LRP1B: variants seen among roughly 807,000 people sequenced by gnomAD.
LRP1B encodes the protein LDL receptor related protein 1B.
Under a neutral mutation model 556.6 loss-of-function variants are expected in LRP1B, and 217 were observed. The ratio of observed to expected loss-of-function variants is 0.39; its 90% CI spans 0.35 to 0.44. LRP1B has a LOEUF of 0.44. Ranked by LOEUF, LRP1B falls within the 20% of genes least tolerant of loss-of-function variation. The pLI is 1.00. For missense variants in LRP1B, 5,053 were observed against 5,620.8 expected (o/e 0.90, Z 3.23); for synonymous variants, 2,047 against 1,865.8 (o/e 1.10, Z -2.50).
At chr2:141,593,185 C>T (rs1687400215) in intron 2 of LRP1B, among the ~76,000 whole-genome samples, 1 of 152,070 alleles carries the variant, frequency 6.6e-6, no homozygotes, top group Admixed American at 6.6e-5. Context: ...CCAGGGAAGG[C>T]ATGAAACCTT....
intron 32 of LRP1B, among the ~76,000 whole-genome samples, chr2:140,778,041 C>T (rs896742599): frequency 1.3e-5 from 2 of 150,188 alleles, no homozygotes; most frequent in Admixed American, 6.7e-5. Context: ...GCCAGTTTTA[C>T]TTAAAAATTA....
chr2:140,984,240 CAG>C (rs974079881), intron 17 of LRP1B, among the ~76,000 whole-genome samples: 2 of 151,870 alleles, frequency 1.3e-5, no homozygotes, highest in African/African-American at 4.8e-5. Flanking sequence ...AATTTAATAA[CAG>C]AATTTTTTTC....
chr2:140,264,523 G>T (rs1682098456), intron 86 of LRP1B, among the ~76,000 whole-genome samples: 1 of 152,044 alleles, frequency 6.6e-6, no homozygotes, highest in Non-Finnish European at 1.5e-5. Flanking sequence ...CAAAGTGCTG[G>T]GATTACAGGC....
At chr2:141,440,133 A>G (rs1680907180) in intron 3 of LRP1B, among the ~76,000 whole-genome samples, 1 of 152,166 alleles carries the variant, frequency 6.6e-6, no homozygotes, top group South Asian at 2.1e-4. Flanking sequence ...TCCCTGTGGC[A>G]TGGGAATCTC....
chr2:141,650,956 C>A (rs1017665163), intron 2 of LRP1B, among the ~76,000 whole-genome samples: 1 of 152,160 alleles, frequency 6.6e-6, no homozygotes, highest in Admixed American at 6.6e-5. Context: ...CATCATTAGT[C>A]TGAACATTGT....
At chr2:140,673,775 C>T (rs73961450) in intron 41 of LRP1B, among the ~76,000 whole-genome samples, 3,300 of 152,072 alleles carry the variant, frequency 0.022, 49 homozygotes, top group Middle Eastern at 0.034. Flanking sequence ...AAGTGAGGGT[C>T]CATACATACC....
In LRP1B at chr2:140,392,682, C is replaced by T. The variant is rs1051586782; in HGVS notation, c.10415-6673G>A. Among the ~76,000 whole-genome samples, 29 of 152,012 alleles carry T rather than the reference C, an allele frequency of 1.9e-4. 1 individual carries two copies. Among genetic ancestry groups the T allele is most frequent in the African/African-American group, 7.0e-4 (29 of 41,470 alleles). ...TTTGTACTTTTAGTAGAGACCAGTG[C>T]TTTCCTATATAGCCTAACTATAATA... On this transcript the variant is annotated intron_variant, in intron 66 of 90. Coordinates refer to ENST00000389484, the MANE Select transcript of LRP1B (RefSeq NM_018557.3).
chr2:140,580,029 C>A (rs908863242), intron 43 of LRP1B, among the ~76,000 whole-genome samples: 1 of 152,056 alleles, frequency 6.6e-6, no homozygotes, highest in South Asian at 2.1e-4. Flanking sequence ...AACCCACCAC[C>A]CACTTGGAAA....
chr2:141,721,902 T>A (rs1180482024), intron 2 of LRP1B, among the ~76,000 whole-genome samples: 1 of 152,206 alleles, frequency 6.6e-6, no homozygotes, highest in Non-Finnish European at 1.5e-5. Flanking sequence ...TTTTATTCCC[T>A]GATCCAGCAG....
intron 2 of LRP1B, among the ~76,000 whole-genome samples, chr2:141,526,845 A>C (rs1372589506): frequency 1.3e-5 from 2 of 152,120 alleles, no homozygotes; most frequent in African/African-American, 4.8e-5. Flanking sequence ...AATAAACAAG[A>C]GTAAAGAGTA....
chr2:142,047,912 T>G (rs1704316239), intron 1 of LRP1B, among the ~76,000 whole-genome samples: 1 of 151,990 alleles, frequency 6.6e-6, no homozygotes, highest in Admixed American at 6.6e-5. Context: ...AAATAAACCT[T>G]TTTTATGCCA....
At chr2:140,705,671 T>C (rs980864662) in intron 37 of LRP1B, among the ~76,000 whole-genome samples, 5 of 145,422 alleles carry the variant, frequency 3.4e-5, no homozygotes, top group African/African-American at 1.0e-4. Flanking sequence ...GATACTTTCA[T>C]GCAAGAGGCT....
intron 2 of LRP1B, among the ~76,000 whole-genome samples, chr2:141,537,167 C>A (rs1685095308): frequency 6.6e-6 from 1 of 151,996 alleles, no homozygotes; most frequent in South Asian, 2.1e-4. Context: ...TTGAGTACAG[C>A]ATGGATTCTT....
chr2:141,992,898 ACT>A, intron 1 of LRP1B, among the ~76,000 whole-genome samples: 1 of 152,252 alleles, frequency 6.6e-6, no homozygotes, highest in African/African-American at 2.4e-5. Context: ...ATCCTAAATC[ACT>A]GTAATTTCAG....
chr2:141,978,108 T>C (rs1701936286), intron 1 of LRP1B, among the ~76,000 whole-genome samples: 1 of 152,142 alleles, frequency 6.6e-6, no homozygotes, highest in Non-Finnish European at 1.5e-5. Flanking sequence ...TCATCTCAGT[T>C]GATTATTTTC....
At chr2:140,699,849 T>A (rs1686567413) in intron 41 of LRP1B, among the ~76,000 whole-genome samples, 1 of 148,164 alleles carries the variant, frequency 6.7e-6, no homozygotes, top group South Asian at 2.1e-4. Flanking sequence ...AAATCTCTGA[T>A]GTTTGCTTGA....
chr2:140,287,652 A>G (rs1683202226), intron 84 of LRP1B, among the ~76,000 whole-genome samples: 2 of 151,648 alleles, frequency 1.3e-5, no homozygotes, highest in Admixed American at 1.3e-4. Context: ...AAAAAAAAAA[A>G]AAAAAAAAAT....
intron 23 of LRP1B, among the ~76,000 whole-genome samples, chr2:140,887,736 G>T (rs1467643845): frequency 2.0e-5 from 3 of 152,012 alleles, no homozygotes; most frequent in African/African-American, 4.8e-5. Context: ...ACAAAGAAAA[G>T]AATTACTTGT....
intron 1 of LRP1B, among the ~76,000 whole-genome samples, chr2:142,089,858 C>G (rs558463404): frequency 2.0e-4 from 31 of 152,140 alleles, no homozygotes; most frequent in Admixed American, 7.2e-4. Context: ...TTGATATATT[C>G]TTGATGAGAA....
Sources: gnomAD v4.1 joint callset for allele counts (sites outside exome capture counted in the v4.1 genomes callset) on GRCh38, gnomAD v4.1.1 for gene constraint, MANE v1.5 for transcripts, NCBI Gene and HGNC (gene_info 2026-07-23, HGNC 2026-07-21) for gene names.